The following MUSK variants were observed in gnomAD, a reference collection of about 807,000 sequenced individuals.
The protein encoded by MUSK is muscle, skeletal receptor tyrosine-protein kinase.
In MUSK, 55 loss-of-function variants were observed where a neutral mutation model predicts 88.7. The ratio of observed to expected loss-of-function variants is 0.62; its 90% confidence interval spans 0.50 to 0.78. The LOEUF (loss-of-function observed/expected upper bound fraction) is 0.78, where lower values mean the gene tolerates loss of function less well. Among genes scored for constraint, MUSK ranks in the 30% least tolerant of loss-of-function variants. MUSK has a pLI of 0.00. For synonymous variants in MUSK, 387 were observed against 391.9 expected (o/e 0.99, Z 0.15); for missense variants, 1,015 against 1,074.3 (o/e 0.94, Z 0.77).
chr9:110,739,941 A>G (rs1239224080), intron 6 of MUSK, among the ~76,000 whole-genome samples: 1 of 152,142 alleles, frequency 6.6e-6, no homozygotes, highest in African/African-American at 2.4e-5. Context: ...TAGTGAACAT[A>G]TATTATCATA....
At chr9:110,669,037 T>C in intron 1 of MUSK, 54 bp downstream of exon 1, 1 of 1,469,408 alleles carries the variant, frequency 6.8e-7, no homozygotes, top group Non-Finnish European at 9.5e-7. Context: ...GTAAAGTGTG[T>C]GTATATGAGA....
chr9:110,684,490 A>T (rs532283028), intron 2 of MUSK, among the ~76,000 whole-genome samples: 78 of 148,318 alleles, frequency 5.3e-4, no homozygotes, highest in Admixed American at 1.0e-3. Flanking sequence ...AAATTTTAGG[A>T]TTTTTTTTTT....
intron 7 of MUSK, among the ~76,000 whole-genome samples, chr9:110,758,325 A>T (rs72756532): frequency 0.013 from 2,002 of 152,302 alleles, 17 homozygotes; most frequent in South Asian, 0.027. Flanking sequence ...TATAGTGAGA[A>T]TCATAACATT....
At chr9:110,689,576 AT>A (rs566774736) in intron 3 of MUSK, among the ~76,000 whole-genome samples, 1,961 of 103,722 alleles carry the variant, frequency 0.019, 112 homozygotes, top group African/African-American at 0.076. Flanking sequence ...ATATTTATAT[AT>A]TTTTTACTAC....
chr9:110,772,272 C>T (rs1467257230), intron 9 of MUSK, among the ~76,000 whole-genome samples: 1 of 151,522 alleles, frequency 6.6e-6, no homozygotes, highest in Non-Finnish European at 1.5e-5. Flanking sequence ...ATGCCTGAGC[C>T]ACAGATGTTC....
At position 110,802,971 on chromosome 9, in the gene MUSK, G is replaced by A. The variant is rs2078115387; in HGVS notation, c.*1983G>A. Among the ~76,000 whole-genome samples the A allele has an allele frequency of 6.6e-6, 1 of 152,220 alleles. No homozygotes were observed. The highest frequency in any genetic ancestry group is 1.5e-5 in the Non-Finnish European group (1 of 68,036). On this transcript the variant is annotated 3_prime_UTR_variant, in exon 15 of 15. Coordinates refer to ENST00000374448, the MANE Select transcript of MUSK (RefSeq NM_005592.4). ...TTGCAGCGTGTGTCTAAAGCAGAAA[G>A]TCAAGATGCCAACAAAGCAGAAAAG...
In MUSK at chr9:110,762,217, C is replaced by T. The variant is rs2131931808; in HGVS notation, c.920+9C>T. 2.1e-6 allele frequency: 3 copies of T among 1,426,684 alleles called. No homozygotes were observed. Among genetic ancestry groups the T allele is most frequent in the Non-Finnish European group, 2.8e-6 (3 of 1,086,206 alleles). 88.4% of individuals were successfully genotyped at this position (1,426,684 alleles called of 1,614,324 possible). A position where few individuals can be genotyped will look rare whatever the true frequency, so the allele number is the denominator to read the frequency against. On this transcript the variant is annotated intron_variant, in intron 8 of 14. Transcript: ENST00000374448. The stretch of plus-strand genomic sequence containing the variant: ...CTGTTAATAGAATGGAGGTAAGAAA[C>T]TGTTATTGTAACAATTGTTTCCAAT...
At chr9:110,689,728 AG>A (rs1309477296) in intron 3 of MUSK, among the ~76,000 whole-genome samples, 1 of 77,334 alleles carries the variant, frequency 1.3e-5, no homozygotes, top group African/African-American at 6.8e-5. Flanking sequence ...TGTTATATAT[AG>A]TTTATATATA....
chr9:110,787,806 A>T lies in MUSK; in HGVS notation c.1895A>T (p.Glu632Val), dbSNP rs769807910. The T allele has an allele frequency of 1.2e-5, 19 of 1,613,294 alleles. No homozygotes were observed. Among genetic ancestry groups the T allele is most frequent in the Non-Finnish European group, 1.4e-5 (16 of 1,179,610 alleles). ...DFQREAALMA[E>V]FDNPNIVKLL... is the part of the protein sequence containing the mutation. The stretch of plus-strand genomic sequence containing the variant: ...CAGAGGGAGGCAGCCCTCATGGCAG[A>T]ATTTGACAACCCTAACATTGTGAAG... The change falls in exon 14 of 15, where the codon GAA becomes GTA. Residue 632 changes from glutamate (E) to valine (V), a missense_variant. Coordinates refer to ENST00000374448, the MANE Select transcript of MUSK (RefSeq NM_005592.4).
At chr9:110,696,274 T>C (rs961221761) in intron 4 of MUSK, among the ~76,000 whole-genome samples, 3 of 145,794 alleles carry the variant, frequency 2.1e-5, no homozygotes, top group African/African-American at 4.9e-5. Flanking sequence ...TGAGACTCCA[T>C]CTCAAAAAAA....
intron 5 of MUSK, among the ~76,000 whole-genome samples, chr9:110,720,855 G>A (rs1240137274): frequency 6.6e-6 from 1 of 151,938 alleles, no homozygotes; most frequent in African/African-American, 2.4e-5. Context: ...AAGTACTAGT[G>A]AACTGAATCC....
In MUSK at chr9:110,787,824, T is replaced by C. The variant is rs1438744692; in HGVS notation, c.1913T>C (p.Ile638Thr). ...ALMAEFDNPN[I>T]VKLLGVCAVG... ...ATGGCAGAATTTGACAACCCTAACA[T>C]TGTGAAGCTATTAGGTATGAAAATA... is the stretch of plus-strand genomic sequence containing the variant. Residue 638 changes from isoleucine to threonine, a missense_variant, in exon 14 of 15, where the codon ATT becomes ACT. Transcript: ENST00000374448. 4.3e-6 allele frequency: 7 copies of C among 1,612,220 alleles called. No individual in the cohort carries two copies. The highest frequency in any genetic ancestry group is 1.7e-5 in the Admixed American group (1 of 59,746).
At chr9:110,689,626 A>C (rs1442485462) in intron 3 of MUSK, among the ~76,000 whole-genome samples, 2 of 72,634 alleles carry the variant, frequency 2.8e-5, no homozygotes, top group Non-Finnish European at 5.2e-5. Flanking sequence ...TATATATATT[A>C]TATATTAGTA....
intron 3 of MUSK, among the ~76,000 whole-genome samples, chr9:110,689,576 A>G (rs1364613543): frequency 2.6e-4 from 27 of 103,726 alleles, no homozygotes; most frequent in Non-Finnish European, 3.4e-4. Flanking sequence ...ATATTTATAT[A>G]TTTTTTACTA....
rs374743157 is a variant in MUSK at position 110,693,901 on chromosome 9, T to C, written c.359-1502T>C. On this transcript the variant is annotated intron_variant, in intron 3 of 14. Coordinates refer to ENST00000374448, the MANE Select transcript of MUSK (RefSeq NM_005592.4). ...CCCAGCAACTGTATGACAATACAAC[T>C]CACAATTGAGGAACCTGGCCAGTAC... Among the ~76,000 whole-genome samples the C allele has an allele frequency of 8.5e-4, 130 of 152,252 alleles. 3 individuals carry two copies. The South Asian group carries it at 0.022, about 25-fold the overall frequency.
At chr9:110,673,123 C>T (rs1218058897) in intron 1 of MUSK, among the ~76,000 whole-genome samples, 1 of 152,034 alleles carries the variant, frequency 6.6e-6, no homozygotes, top group Non-Finnish European at 1.5e-5. Flanking sequence ...CAGTGAAAAC[C>T]GGAAAGCAGA....
At chr9:110,740,374 T>C (rs1173451152) in intron 6 of MUSK, among the ~76,000 whole-genome samples, 3 of 152,158 alleles carry the variant, frequency 2.0e-5, no homozygotes, top group Admixed American at 2.0e-4. Flanking sequence ...CACATGGTTA[T>C]CTCCCTGTAT....
At chr9:110,677,027 T>C (rs1057318108) in intron 1 of MUSK, among the ~76,000 whole-genome samples, 1 of 152,158 alleles carries the variant, frequency 6.6e-6, no homozygotes, top group Non-Finnish European at 1.5e-5. Flanking sequence ...AAGAGGACTT[T>C]CTCTTCCTAT....
intron 5 of MUSK, among the ~76,000 whole-genome samples, chr9:110,714,146 A>G (rs937362840): frequency 7.9e-5 from 12 of 152,216 alleles, no homozygotes; most frequent in Non-Finnish European, 1.6e-4. Flanking sequence ...ATGAAGTCAC[A>G]TATTTTATTG....
Sources: gnomAD v4.1 joint callset for allele counts (sites outside exome capture counted in the v4.1 genomes callset) on GRCh38, gnomAD v4.1.1 for gene constraint, MANE v1.5 for transcripts, NCBI Gene and HGNC (gene_info 2026-07-23, HGNC 2026-07-21) for gene names.